The following STPG2 variants were observed in gnomAD, a reference collection of about 807,000 sequenced individuals.
STPG2 encodes sperm-tail PG-rich repeat-containing protein 2.
In STPG2, 56 loss-of-function variants were observed where a neutral mutation model predicts 54.2. The ratio of observed to expected loss-of-function variants is 1.03; its 90% CI spans 0.83 to 1.29. The LOEUF (loss-of-function observed/expected upper bound fraction) is 1.29, where lower values mean the gene tolerates loss of function less well. Among genes scored for constraint, STPG2 ranks in the 50% most tolerant of loss-of-function variants. The pLI is 0.00. For synonymous variants in STPG2, 200 were observed against 181.8 expected (o/e 1.10, Z -0.81); for missense variants, 596 against 544.9 (o/e 1.09, Z -0.93).
chr4:97,834,307 A>G (rs762679260), intron 9 of STPG2, among the ~76,000 whole-genome samples: 31 of 152,246 alleles, frequency 2.0e-4, no homozygotes, highest in Non-Finnish European at 4.3e-4. Context: ...GAGGTGAACA[A>G]TGAGAACACA....
intron 4 of STPG2, among the ~76,000 whole-genome samples, chr4:97,518,946 A>G (rs1341429917): frequency 2.0e-5 from 3 of 152,124 alleles, no homozygotes; most frequent in Non-Finnish European, 4.4e-5. Context: ...AACTATTCAT[A>G]GAAGTGCTTT....
At chr4:98,141,426 T>C (rs758372862) in intron 1 of STPG2, among the ~76,000 whole-genome samples, 3 of 152,206 alleles carry the variant, frequency 2.0e-5, no homozygotes, top group Non-Finnish European at 2.9e-5. Context: ...CTCTGAAGTC[T>C]GCTATCTGAG....
chr4:97,651,383 A>G (rs1038463923), intron 10 of STPG2, among the ~76,000 whole-genome samples: 6 of 152,154 alleles, frequency 3.9e-5, no homozygotes, highest in Admixed American at 2.6e-4. Flanking sequence ...TATTATAAAA[A>G]TCAATCTTGA....
At chr4:98,013,548 A>G (rs931023094) in intron 5 of STPG2, among the ~76,000 whole-genome samples, 1 of 140,802 alleles carries the variant, frequency 7.1e-6, no homozygotes, top group Non-Finnish European at 1.5e-5. Context: ...TACCTCTGGT[A>G]GAATTCGGCT....
At chr4:97,687,108 A>T (rs930793458) in intron 10 of STPG2, among the ~76,000 whole-genome samples, 5 of 148,072 alleles carry the variant, frequency 3.4e-5, no homozygotes, top group Non-Finnish European at 7.5e-5. Context: ...GCCTGGCTAA[A>T]TTTTTTTTTT....
intron 10 of STPG2, among the ~76,000 whole-genome samples, chr4:97,586,957 G>A (rs1342958123): frequency 6.6e-6 from 1 of 151,814 alleles, no homozygotes; most frequent in Non-Finnish European, 1.5e-5. Flanking sequence ...AATCACATTT[G>A]ATGATTAAAA....
At chr4:97,861,500 C>T (rs75520539) in intron 8 of STPG2, among the ~76,000 whole-genome samples, 1,578 of 152,128 alleles carry the variant, frequency 0.01, 17 homozygotes, top group Non-Finnish European at 0.017. Flanking sequence ...TAGGTGTATA[C>T]CCATGTAACC....
At chr4:98,036,214 G>T (rs1263257312) in intron 5 of STPG2, among the ~76,000 whole-genome samples, 1 of 152,150 alleles carries the variant, frequency 6.6e-6, no homozygotes, top group East Asian at 1.9e-4. Context: ...TGGTGCGACT[G>T]TAAATTAGTT....
chr4:98,105,945 CA>C lies in STPG2; in HGVS notation c.612+7del, dbSNP rs1337799708. 1 of 1,552,648 alleles carries C rather than the reference CA, an allele frequency of 6.4e-7. No homozygotes were observed. Among genetic ancestry groups the C allele is most frequent in the African/African-American group, 1.4e-5 (1 of 73,626 alleles). On this transcript the variant is annotated splice_region_variant and intron_variant, in intron 5 of 10. Transcript: ENST00000295268. ...GAAAATATATGCATTAGCCACTTTT[CA>C]ACTTACCTTTTTTTTCTCCTGCAAT...
chr4:97,683,706 A>G (rs1723103014), intron 10 of STPG2, among the ~76,000 whole-genome samples: 1 of 151,862 alleles, frequency 6.6e-6, no homozygotes, highest in Non-Finnish European at 1.5e-5. Flanking sequence ...AAGATCAGGA[A>G]CAAGAAATGA....
chr4:97,663,354 A>AG (rs1722427937), intron 10 of STPG2, among the ~76,000 whole-genome samples: 1 of 152,200 alleles, frequency 6.6e-6, no homozygotes, highest in South Asian at 2.1e-4. Context: ...AATTTAAAAA[A>AG]CAAATAATTA....
chr4:97,465,270 C>T (rs1333116033), intron 4 of STPG2, among the ~76,000 whole-genome samples: 2 of 152,096 alleles, frequency 1.3e-5, no homozygotes, highest in African/African-American at 4.8e-5. Context: ...TTGTCTCTAT[C>T]CAGATTTCAA....
chr4:97,873,187 CCCTT>C (rs1255071531), intron 8 of STPG2, among the ~76,000 whole-genome samples: 5 of 151,030 alleles, frequency 3.3e-5, no homozygotes, highest in African/African-American at 7.3e-5. Context: ...CTCTCTCCCT[CCCTT>C]CCTTCCTTCT....
intron 4 of STPG2, among the ~76,000 whole-genome samples, chr4:97,510,084 T>A (rs796441197): frequency 6.6e-6 from 1 of 152,188 alleles, no homozygotes; most frequent in Admixed American, 6.5e-5. Context: ...GTCTGTGATA[T>A]GTAGAAGGCG....
chr4:97,612,249 C>CAAAAAAAAAAAA (rs33922653), intron 10 of STPG2, among the ~76,000 whole-genome samples: 1 of 140,160 alleles, frequency 7.1e-6, no homozygotes. Context: ...TGTAAAATGG[C>CAAAAAAAAAAAA]AAAAAAAAAA....
At chr4:97,464,985 T>A (rs955624278) in intron 4 of STPG2, among the ~76,000 whole-genome samples, 3 of 152,124 alleles carry the variant, frequency 2.0e-5, no homozygotes, top group African/African-American at 7.2e-5. Context: ...AAAGCATAAC[T>A]TTTTTTGGAA....
rs181474398 is a variant in STPG2, at chr4:97,484,202, G to C, written c.462+228497C>G. On this transcript the variant is annotated intron_variant, in intron 4 of 4. Transcript: ENST00000522676. ...CAAGTCAAACCCAAACCCAGAAGAA[G>C]AAAGGAAACATGAAAATCAGAGCAG... 3.7e-3 allele frequency among the ~76,000 whole-genome samples: 554 copies of C among 151,060 alleles called. 2 individuals carry two copies. The highest frequency in any genetic ancestry group is 0.013 in the African/African-American group (525 of 41,274).
At chr4:97,947,912 G>A (rs1209916765) in intron 7 of STPG2, among the ~76,000 whole-genome samples, 13 of 151,984 alleles carry the variant, frequency 8.6e-5, no homozygotes, top group Non-Finnish European at 1.9e-4. Context: ...GGTAACACTG[G>A]CTTAACAGAA....
At chr4:98,049,944 A>G (rs996275734) in intron 5 of STPG2, among the ~76,000 whole-genome samples, 3 of 152,220 alleles carry the variant, frequency 2.0e-5, no homozygotes, top group African/African-American at 7.2e-5. Flanking sequence ...ACAAAGAAAC[A>G]TACTAAAAGA....
Sources: gnomAD v4.1 joint callset for allele counts (sites outside exome capture counted in the v4.1 genomes callset) on GRCh38, gnomAD v4.1.1 for gene constraint, MANE v1.5 for transcripts, NCBI Gene and HGNC (gene_info 2026-07-23, HGNC 2026-07-21) for gene names.